Variants in ABCA9 observed in about 807,000 individuals in gnomAD.
ABCA9 encodes ATP-binding cassette sub-family A member 9.
A neutral mutation model predicts 205.3 loss-of-function variants in ABCA9; 183 were observed. That is an observed-to-expected ratio of 0.89 (90% CI 0.79 to 1.01). The LOEUF (loss-of-function observed/expected upper bound fraction) is 1.01, where lower values mean the gene tolerates loss of function less well. Ranked by LOEUF, ABCA9 falls within the 50% of genes least tolerant of loss-of-function variation. ABCA9 has a pLI of 0.00. For missense variants in ABCA9, 1,805 were observed against 1,912.4 expected (o/e 0.94, Z 1.05); for synonymous variants, 651 against 683.3 (o/e 0.95, Z 0.74).
chr17:69,061,981 C>T (rs2072267379), upstream of ABCA9, among the ~76,000 whole-genome samples: 1 of 152,080 alleles, frequency 6.6e-6, no homozygotes, highest in African/African-American at 2.4e-5. Flanking sequence ...TCTCATGGAC[C>T]ATGATAACCA....
intron 16 of ABCA9, 118 bp from the exon 17 acceptor site, chr17:69,024,471 G>C: frequency 1.0e-6 from 1 of 976,766 alleles, no homozygotes; most frequent in Non-Finnish European, 1.5e-6. Context: ...AAAATGTGTA[G>C]TTTACTGGAC....
At chr17:68,992,829 G>T in intron 27 of ABCA9, 187 bp downstream of exon 27, 1 of 473,038 alleles carries the variant, frequency 2.1e-6, no homozygotes, top group Non-Finnish European at 3.7e-6. Context: ...AAAAAAAGGG[G>T]GGGGGTCCAG....
intron 1 of ABCA9, among the ~76,000 whole-genome samples, chr17:69,054,767 A>G (rs2072015843): frequency 6.6e-6 from 1 of 151,980 alleles, no homozygotes; most frequent in Admixed American, 6.6e-5. Context: ...GCTTATCTGT[A>G]AGTGAAATGA....
At chr17:68,976,270 C>T (rs751285933) in intron 37 of ABCA9, 80 bp from the exon 38 acceptor site, 6 of 1,137,660 alleles carry the variant, frequency 5.3e-6, no homozygotes, top group Non-Finnish European at 7.9e-6. Context: ...AAAATACATA[C>T]AAGTAGATCT....
chr17:68,977,380 A>G (rs1298418298), intron 37 of ABCA9, among the ~76,000 whole-genome samples: 1 of 152,182 alleles, frequency 6.6e-6, no homozygotes, highest in Non-Finnish European at 1.5e-5. Context: ...CCCCAATGTG[A>G]TATCATAGCT....
At chr17:68,978,627 A>C (rs2068953982) in intron 37 of ABCA9, among the ~76,000 whole-genome samples, 1 of 152,086 alleles carries the variant, frequency 6.6e-6, no homozygotes, top group Non-Finnish European at 1.5e-5. Context: ...TTCCATGTTT[A>C]GTGCTTCCTT....
At chr17:68,983,673 C>A (rs2069134643) in intron 36 of ABCA9, 36 bp downstream of exon 36, 1 of 1,606,574 alleles carries the variant, frequency 6.2e-7, no homozygotes, top group African/African-American at 1.3e-5. Context: ...GAAACAAAAA[C>A]CAAGGACTGT....
intron 8 of ABCA9, chr17:69,034,495 A>G (rs963055288): frequency 2.0e-5 from 3 of 152,172 alleles, no homozygotes; most frequent in African/African-American, 4.8e-5. Flanking sequence ...GCTATGATTT[A>G]CAGGTGTGAG....
chr17:69,028,200 C>G (rs1222197170), intron 12 of ABCA9, among the ~76,000 whole-genome samples: 10 of 151,972 alleles, frequency 6.6e-5, no homozygotes, highest in African/African-American at 2.4e-4. Context: ...TGGAGTCTCA[C>G]TCTGTCGCCA....
the ABCA9 span, chr17:69,078,779 C>T: frequency 6.2e-5 from 25 of 401,968 alleles, 1 homozygote; most frequent in Middle Eastern, 1.3e-3. Flanking sequence ...TTTTGTATTG[C>T]CTTTATCACA....
chr17:69,033,293 C>A (rs1217135520), intron 9 of ABCA9: 1 of 87,946 alleles, frequency 1.1e-5, no homozygotes, highest in African/African-American at 4.3e-5. Flanking sequence ...GGTGACAGAG[C>A]GAGACTTCTC....
At chr17:69,063,833 A>G (rs577519552), upstream of ABCA9, among the ~76,000 whole-genome samples, 2 of 152,234 alleles carry the variant, frequency 1.3e-5, no homozygotes, top group East Asian at 1.9e-4. Flanking sequence ...CGGCCTCCCA[A>G]AGTGTTGGGA....
chr17:69,028,504 G>T, intron 12 of ABCA9, 31 bp downstream of exon 12: 1 of 1,436,194 alleles, frequency 7.0e-7, no homozygotes, highest in Non-Finnish European at 9.7e-7. Flanking sequence ...TGTTTGTCCA[G>T]GTACTTGTCC....
At chr17:69,061,740 A>G (rs193017928), upstream of ABCA9, among the ~76,000 whole-genome samples, 50 of 152,268 alleles carry the variant, frequency 3.3e-4, no homozygotes, top group Non-Finnish European at 5.6e-4. Context: ...AATAGATGCC[A>G]TTCTGTCTAT....
chr17:69,026,980 C>T lies in ABCA9; in HGVS notation c.2046G>A (p.Leu682=), dbSNP rs774008948. 6.2e-7 allele frequency: 1 copy of T among 1,613,792 alleles called. No homozygotes were observed. Among genetic ancestry groups the T allele is most frequent in the Non-Finnish European group, 8.5e-7 (1 of 1,179,874 alleles). The change falls in exon 15 of 39, where the codon CTG becomes CTA. Residue 682 remains leucine, a synonymous_variant. Transcript: ENST00000340001. The part of the protein sequence containing the change: ...STQFIDEADI[L]ADRKVFISNG... ...ATAAGAGAAACAAAAAATTACCCGC[C>T]AGAATGTCAGCCTCATCTATAAACT...
At chr17:68,989,659 C>T (rs1598338260) in intron 30 of ABCA9, among the ~76,000 whole-genome samples, 154 bp downstream of exon 30, 1 of 151,940 alleles carries the variant, frequency 6.6e-6, no homozygotes, top group East Asian at 1.9e-4. Context: ...AAAAAAAGGT[C>T]GTTATCATTT....
At position 69,027,356 on chromosome 17, in the gene ABCA9, C is replaced by T; in HGVS notation, c.1885G>A (p.Gly629Arg). Residue 629 changes from glycine (G) to arginine (R), a missense_variant, in exon 14 of 39, where the codon GGG becomes AGG. Gly to Arg is a moderately radical substitution (Grantham distance 125, BLOSUM62 -2). Transcript: ENST00000340001. ...TGAGGATCTCCTAAAATGGCAATCC[C>T]AAAAGTTAGTTTCCTATTTTGTCCA... ...SGGQNRKLTFGIAILGDPQVL... is the reference protein window; with the variant it reads ...SGGQNRKLTFRIAILGDPQVL... 2 of 1,613,040 alleles carry T rather than the reference C, an allele frequency of 1.2e-6. No homozygotes were observed. Among genetic ancestry groups the T allele is most frequent in the Non-Finnish European group, 1.7e-6 (2 of 1,179,564 alleles).
chr17:69,002,593 G>A (rs1567931101), intron 25 of ABCA9, among the ~76,000 whole-genome samples: 2 of 152,128 alleles, frequency 1.3e-5, no homozygotes, highest in Admixed American at 6.5e-5. Flanking sequence ...AATGTATTCT[G>A]TTGATTTGGG....
In ABCA9 at chr17:69,012,025, G is replaced by C. The variant is rs370923886; in HGVS notation, c.3098C>G (p.Ala1033Gly). 1.9e-6 allele frequency: 3 copies of C among 1,613,030 alleles called. No homozygotes were observed. The highest frequency in any genetic ancestry group is 2.5e-6 in the Non-Finnish European group (3 of 1,179,532). The stretch of plus-strand genomic sequence containing the variant: ...TGCAATGTATGGAGTGAAAGAGGCT[G>C]CCATCGGTATCCAGAAGAAGGTGTT... Reference protein sequence around the residue: ...RSNTFFWIPMAASFTPYIAMS... With the variant: ...RSNTFFWIPMGASFTPYIAMS... Residue 1033 changes from alanine to glycine, a missense_variant, in exon 23 of 39, where the codon GCA becomes GGA. Coordinates refer to ENST00000340001, the MANE Select transcript of ABCA9 (RefSeq NM_080283.4).
Sources: allele counts gnomAD v4.1 joint callset (sites outside exome capture counted in the v4.1 genomes callset), GRCh38; gene constraint gnomAD v4.1.1; transcripts MANE v1.5; gene names NCBI Gene and HGNC (gene_info 2026-07-23, HGNC 2026-07-21).